Variants in FANCD2 observed in about 807,000 individuals in gnomAD.
FANCD2 encodes Fanconi anemia group D2 protein.
A neutral mutation model predicts 192.3 loss-of-function variants in FANCD2; 131 were observed. The ratio of observed to expected loss-of-function variants is 0.68; its 90% CI spans 0.59 to 0.79. The LOEUF is 0.79. FANCD2 is among the 30% of genes least tolerant of loss of function. FANCD2 has a pLI of 0.00. For synonymous variants in FANCD2, 524 were observed against 612.5 expected, an observed-to-expected ratio of 0.86 and a Z score of 2.13; for missense variants, 1,508 against 1,701.6, an observed-to-expected ratio of 0.89 and a Z score of 2.00.
At chr3:10,027,305 A>T (rs9813647) in intron 1 of FANCD2, among the ~76,000 whole-genome samples, 2,821 of 152,226 alleles carry the variant, frequency 0.019, 96 homozygotes, top group African/African-American at 0.064. Flanking sequence ...TCCCTTAGGG[A>T]TAGGAGGAAC....
rs1383179257 is a variant in FANCD2 at position 10,042,681 on chromosome 3, A to G, written c.888+18A>G. The G allele has an allele frequency of 5.0e-6, 8 of 1,594,598 alleles. No individual in the cohort carries two copies. Among genetic ancestry groups the G allele is most frequent in the Non-Finnish European group, 6.9e-6 (8 of 1,162,298 alleles). On this transcript the variant is annotated intron_variant, in intron 11 of 43. Coordinates refer to ENST00000675286, the MANE Select transcript of FANCD2 (RefSeq NM_001018115.3). The stretch of plus-strand genomic sequence containing the variant: ...CACTTGAGGTATGCTCTTATATCCC[A>G]TCACACCTAGATAAAGCAACTTAAG...
chr3:10,072,593 T>G (rs1360311660), intron 26 of FANCD2, among the ~76,000 whole-genome samples: 1 of 152,242 alleles, frequency 6.6e-6, no homozygotes, highest in Non-Finnish European at 1.5e-5. Context: ...ATTTAGATTT[T>G]AAATGTTTGT....
chr3:10,081,442 A>T lies in FANCD2; in HGVS notation c.3202A>T (p.Ile1068Phe). 6.2e-7 allele frequency: 1 copy of T among 1,613,438 alleles called. No individual in the cohort carries two copies. The highest frequency in any genetic ancestry group is 8.5e-7 in the Non-Finnish European group (1 of 1,179,400). ...MSSCYQRLLQ[I>F]FHGLFAWSGF... ...TTCCTGCTATCAGAGGCTGCTGCAG[A>T]TTTTTCATGGGCTTTTTGCTTGGTA... is the stretch of plus-strand genomic sequence containing the variant. The change falls in exon 32 of 44, where the codon ATT becomes TTT. Residue 1068 changes from isoleucine (I) to phenylalanine (F), a missense_variant. Ile to Phe is a conservative substitution (Grantham distance 21). Coordinates refer to ENST00000675286, the MANE Select transcript of FANCD2 (RefSeq NM_001018115.3).
intron 36 of FANCD2, 119 bp from the exon 37 acceptor site, chr3:10,090,173 C>A: frequency 1.4e-6 from 1 of 715,262 alleles, no homozygotes; most frequent in Non-Finnish European, 2.5e-6. Context: ...TACTAAGGAC[C>A]CTAGTGAAAG....
At position 10,049,565 on chromosome 3, in the gene FANCD2, G is replaced by T. The variant is rs919285955; in HGVS notation, c.1545+60G>T. On this transcript the variant is annotated intron_variant, in intron 17 of 43. Coordinates refer to ENST00000675286, the MANE Select transcript of FANCD2 (RefSeq NM_001018115.3). ...ATACTATAATTGGTGGGAGGTGGTG[G>T]GAAGGAGGTGAGATGATGGGCAAGT... The T allele has an allele frequency of 3.4e-5, 51 of 1,508,040 alleles. 1 individual carries two copies. The highest frequency in any genetic ancestry group is 4.7e-5 in the Non-Finnish European group (51 of 1,088,706). 93.4% of individuals were successfully genotyped at this position (1,508,040 alleles called of 1,614,324 possible).
chr3:10,062,272 G>A (rs373593907), intron 20 of FANCD2, 61 bp downstream of exon 20: 63 of 1,391,110 alleles, frequency 4.5e-5, no homozygotes, highest in South Asian at 8.4e-5. Context: ...AGAGAGTCTC[G>A]CTCTGTCACC....
At chr3:10,039,963 C>A in intron 9 of FANCD2, 118 bp downstream of exon 9, 4 of 1,114,160 alleles carry the variant, frequency 3.6e-6, no homozygotes, top group Non-Finnish European at 5.3e-6. Context: ...ATGATACCCC[C>A]CTTCATGAGT....
chr3:10,035,288 C>A, intron 6 of FANCD2, 55 bp downstream of exon 6: 1 of 1,473,120 alleles, frequency 6.8e-7, no homozygotes, highest in Non-Finnish European at 9.5e-7. Context: ...GTGGTGTATG[C>A]TCAAGTCTAA....
intron 32 of FANCD2, 52 bp from the exon 33 acceptor site, chr3:10,085,760 C>T (rs1237915710): frequency 1.8e-6 from 2 of 1,135,186 alleles, no homozygotes; most frequent in East Asian, 2.3e-5. Context: ...TAAATACTAT[C>T]CAAGTAGTTT....
intron 2 of FANCD2, among the ~76,000 whole-genome samples, chr3:10,031,278 C>G (rs939135651): frequency 1.3e-5 from 2 of 152,070 alleles, no homozygotes; most frequent in Non-Finnish European, 2.9e-5. Context: ...CCAAGGCGGG[C>G]AGATCACGAG....
chr3:10,035,596 C>T (rs1302682790), intron 6 of FANCD2, among the ~76,000 whole-genome samples: 2 of 152,212 alleles, frequency 1.3e-5, no homozygotes, highest in East Asian at 1.9e-4. Context: ...TTTCCTCCTC[C>T]TCGTCTCTTT....
rs1234016871 is a variant in FANCD2, at chr3:10,046,647, G to A, written c.1202G>A (p.Arg401Lys). 2 of 1,614,272 alleles carry A rather than the reference G, an allele frequency of 1.2e-6. No individual in the cohort carries two copies. The highest frequency in any genetic ancestry group is 1.3e-5 in the African/African-American group (1 of 75,086). Residue 401 changes from arginine (R) to lysine (K), a missense_variant, in exon 15 of 44, where the codon AGG becomes AAG. Arg to Lys is a conservative substitution (Grantham distance 26). This residue lies in a region of FANCD2 where 108 missense variants were observed against 174.1 expected (regional missense o/e 0.62). Transcript: ENST00000675286. ...TNTQTKKYIDRVLRNKIRSGC... is the reference protein window; with the variant it reads ...TNTQTKKYIDKVLRNKIRSGC... Reference sequence around the variant, plus strand: ...ACTCAGACAAAGAAGTACATTGACAGGGTGCTAAGAAATAAGATTCGATCA... The same window carrying A: ...ACTCAGACAAAGAAGTACATTGACAAGGTGCTAAGAAATAAGATTCGATCA...
chr3:10,035,122 C>A, intron 5 of FANCD2, 51 bp from the exon 6 acceptor site: 1 of 1,433,052 alleles, frequency 7.0e-7, no homozygotes, highest in Non-Finnish European at 9.8e-7. Context: ...ATGATAAAAG[C>A]ATTAAAACAA....
At chr3:10,042,897 T>C (rs557772775) in intron 11 of FANCD2, among the ~76,000 whole-genome samples, 153 bp from the exon 12 acceptor site, 1 of 152,338 alleles carries the variant, frequency 6.6e-6, no homozygotes, top group South Asian at 2.1e-4. Context: ...TGACATTGCA[T>C]TGGCTATTCT....
chr3:10,080,035 C>T (rs908045097), intron 30 of FANCD2, among the ~76,000 whole-genome samples: 3 of 151,786 alleles, frequency 2.0e-5, no homozygotes, highest in African/African-American at 4.8e-5. Context: ...CTGCCTCAGC[C>T]TCCCGAGGAG....
At chr3:10,056,448 T>A (rs1162750548) in intron 18 of FANCD2, among the ~76,000 whole-genome samples, 2 of 152,342 alleles carry the variant, frequency 1.3e-5, no homozygotes, top group Non-Finnish European at 2.9e-5. Flanking sequence ...ACAATGTATG[T>A]AGGTTCCAAT....
rs1485462447 is a variant in FANCD2, at chr3:10,074,692, T to C, written c.2859+19T>C. The stretch of plus-strand genomic sequence containing the variant: ...CACTGAAGTAAGTGACAGGCTAGGA[T>C]CTCAGAATTTAATCTTCTTTCAGAA... On this transcript the variant is annotated intron_variant, in intron 29 of 43. Coordinates refer to ENST00000675286, the MANE Select transcript of FANCD2 (RefSeq NM_001018115.3). 9 of 1,612,224 alleles carry C rather than the reference T, an allele frequency of 5.6e-6. No homozygotes were observed. Among genetic ancestry groups the C allele is most frequent in the Non-Finnish European group, 7.6e-6 (9 of 1,178,928 alleles).
At chr3:10,075,591 T>G (rs541513647) in intron 29 of FANCD2, among the ~76,000 whole-genome samples, 23 of 152,282 alleles carry the variant, frequency 1.5e-4, no homozygotes, top group Admixed American at 9.2e-4. Context: ...AGAGGACATT[T>G]TCACAGATAA....
chr3:10,059,237 C>G (rs1174602140), intron 18 of FANCD2, among the ~76,000 whole-genome samples: 1 of 152,060 alleles, frequency 6.6e-6, no homozygotes, highest in Non-Finnish European at 1.5e-5. Context: ...TGGTCTTGAA[C>G]TCCTGGGTTC....
Sources: gnomAD v4.1 joint callset for allele counts (sites outside exome capture counted in the v4.1 genomes callset) on GRCh38, gnomAD v4.1.1 for gene constraint, gnomAD v4.1.1 regional missense constraint, MANE v1.5 for transcripts, NCBI Gene and HGNC (gene_info 2026-07-23, HGNC 2026-07-21) for gene names.